Variants in PALM2AKAP2 observed in about 807,000 individuals in gnomAD.
The protein encoded by PALM2AKAP2 is PALM2-AKAP2 fusion protein.
Under a neutral mutation model 71.5 loss-of-function variants are expected in PALM2AKAP2, and 37 were observed. The ratio of observed to expected loss-of-function variants is 0.52; its 90% CI spans 0.40 to 0.68. The LOEUF is 0.68. Ranked by LOEUF, PALM2AKAP2 falls within the 30% of genes least tolerant of loss-of-function variation. The pLI, the probability that PALM2AKAP2 is intolerant of heterozygous loss-of-function variation, is 0.00. For missense variants in PALM2AKAP2, 1,224 were observed against 1,191.8 expected (o/e 1.03, Z -0.40); for synonymous variants, 468 against 478.8 (o/e 0.98, Z 0.29).
intron 1 of PALM2AKAP2, among the ~76,000 whole-genome samples, chr9:110,078,823 G>A (rs1834381190): frequency 6.6e-6 from 1 of 152,210 alleles, no homozygotes; most frequent in African/African-American, 2.4e-5. Context: ...GATACACATG[G>A]AGTGTTTGCT....
At position 109,663,345 on chromosome 9, in the gene PALM2AKAP2, C is replaced by T. The variant is rs1040495442; in HGVS notation, c.5+22479C>T. On this transcript the variant is annotated intron_variant, in intron 1 of 6. Transcript: ENST00000374531. The stretch of plus-strand genomic sequence containing the variant: ...ATTTAGTGCTATAAATTTCCCTCTA[C>T]ACACTGCTTTAAATGTGTCCCAGAG... Among the ~76,000 whole-genome samples the T allele has an allele frequency of 2.6e-5, 4 of 152,176 alleles. No homozygotes were observed. The South Asian group carries it at 8.3e-4, about 32-fold the overall frequency.
At chr9:109,764,379 A>C (rs1484824166) in intron 1 of PALM2AKAP2, among the ~76,000 whole-genome samples, 1 of 151,758 alleles carries the variant, frequency 6.6e-6, no homozygotes, top group Non-Finnish European at 1.5e-5. Context: ...GCGCTCTTTT[A>C]CACCTCCTGG....
chr9:110,012,217 T>C (rs1832897510), intron 6 of PALM2AKAP2, among the ~76,000 whole-genome samples: 1 of 151,966 alleles, frequency 6.6e-6, no homozygotes, highest in African/African-American at 2.4e-5. Context: ...TGCTTGTGCC[T>C]GAGAGGCGGA....
At chr9:110,038,168 C>T (rs571965729) in intron 7 of PALM2AKAP2, among the ~76,000 whole-genome samples, 2 of 152,120 alleles carry the variant, frequency 1.3e-5, no homozygotes, top group South Asian at 4.2e-4. Context: ...AGCAAGACCT[C>T]CCTCTCTACA....
intron 1 of PALM2AKAP2, among the ~76,000 whole-genome samples, chr9:109,793,362 G>A (rs1028436968): frequency 2.0e-5 from 3 of 152,206 alleles, no homozygotes; most frequent in Non-Finnish European, 2.9e-5. Flanking sequence ...CAAACTGGAT[G>A]AGTTTAAAAA....
chr9:109,803,005 GC>G (rs759410667), intron 1 of PALM2AKAP2, among the ~76,000 whole-genome samples: 24 of 152,158 alleles, frequency 1.6e-4, no homozygotes, highest in Non-Finnish European at 2.9e-4. Flanking sequence ...TTATTAAGAT[GC>G]TTGCTAGTTC....
intron 1 of PALM2AKAP2, among the ~76,000 whole-genome samples, chr9:109,689,522 C>A (rs1294783921): frequency 6.6e-6 from 1 of 152,134 alleles, no homozygotes; most frequent in African/African-American, 2.4e-5. Flanking sequence ...TTCTTTAAAG[C>A]CTTGTAGAGA....
At chr9:109,792,286 A>G (rs1464995015) in intron 1 of PALM2AKAP2, among the ~76,000 whole-genome samples, 1 of 152,228 alleles carries the variant, frequency 6.6e-6, no homozygotes, top group Non-Finnish European at 1.5e-5. Flanking sequence ...AGAGAAAAAT[A>G]GACTTATTAA....
Position 109,775,068 on chromosome 9 carries a change from C to G in PALM2AKAP2, c.6-5420C>G, listed in dbSNP as rs916370135. On this transcript the variant is annotated intron_variant, in intron 1 of 6. Coordinates refer to the PALM2AKAP2 transcript ENST00000374531. ...TTCCATCTTAATGTAAGGAAACTGTCATTCTAATCTATTATGTGATTTGTC... is the reference window on the plus strand; with the variant it reads ...TTCCATCTTAATGTAAGGAAACTGTGATTCTAATCTATTATGTGATTTGTC... Among the ~76,000 whole-genome samples the G allele has an allele frequency of 2.6e-5, 4 of 152,300 alleles. No individual in the cohort carries two copies. In the Middle Eastern group the frequency reaches 0.01, roughly 389 times the overall value.
At chr9:109,951,301 C>T (rs1831635730) in intron 6 of PALM2AKAP2, among the ~76,000 whole-genome samples, 1 of 152,204 alleles carries the variant, frequency 6.6e-6, no homozygotes. Flanking sequence ...GGGCTAGCTG[C>T]TGTACTTTGT....
At chr9:110,025,634 A>G (rs1833166272) in intron 7 of PALM2AKAP2, among the ~76,000 whole-genome samples, 1 of 152,158 alleles carries the variant, frequency 6.6e-6, no homozygotes, top group African/African-American at 2.4e-5. Context: ...CAAAGCATCT[A>G]CACCACTTTA....
intron 6 of PALM2AKAP2, among the ~76,000 whole-genome samples, chr9:109,995,654 C>T (rs1349453666): frequency 6.6e-6 from 1 of 152,190 alleles, no homozygotes; most frequent in Non-Finnish European, 1.5e-5. Flanking sequence ...GACTTATTCA[C>T]TGTCATGCAA....
chr9:109,717,644 G>A (rs534803726), intron 1 of PALM2AKAP2, among the ~76,000 whole-genome samples: 6 of 152,324 alleles, frequency 3.9e-5, no homozygotes, highest in South Asian at 2.1e-4. Context: ...GAAAAGGTGC[G>A]GATAGGCTTT....
At chr9:109,691,966 C>G (rs1827903850) in intron 1 of PALM2AKAP2, among the ~76,000 whole-genome samples, 1 of 132,040 alleles carries the variant, frequency 7.6e-6, no homozygotes, top group African/African-American at 2.8e-5. Flanking sequence ...ACATATATAT[C>G]TCCATCTCAG....
At chr9:109,919,763 G>A (rs7872337) in intron 3 of PALM2AKAP2, among the ~76,000 whole-genome samples, 28,824 of 135,676 alleles carry the variant, frequency 0.21, 3,002 homozygotes, top group East Asian at 0.46. Flanking sequence ...GTGTGTGTGT[G>A]TGTATATATG....
chr9:109,696,330 A>G (rs537611381), intron 1 of PALM2AKAP2, among the ~76,000 whole-genome samples: 1 of 152,334 alleles, frequency 6.6e-6, no homozygotes, highest in Admixed American at 6.5e-5. Flanking sequence ...AATAGCTTTA[A>G]AACATATTGA....
chr9:109,874,379 G>T (rs914755117), intron 2 of PALM2AKAP2, among the ~76,000 whole-genome samples: 40 of 152,182 alleles, frequency 2.6e-4, no homozygotes, highest in African/African-American at 9.7e-4. Context: ...ATAGTAGAGT[G>T]TACCTCTTGG....
intron 1 of PALM2AKAP2, among the ~76,000 whole-genome samples, chr9:109,642,985 C>T (rs1271410469): frequency 1.3e-5 from 2 of 151,026 alleles, no homozygotes; most frequent in Non-Finnish European, 2.9e-5. Context: ...AATTGCACCA[C>T]TGCACTGGGT....
intron 1 of PALM2AKAP2, among the ~76,000 whole-genome samples, chr9:109,750,222 T>C (rs1828864885): frequency 6.6e-6 from 1 of 152,174 alleles, no homozygotes; most frequent in African/African-American, 2.4e-5. Context: ...CTTAGTCCAG[T>C]GATTATTTTC....
Sources: allele counts gnomAD v4.1 joint callset (sites outside exome capture counted in the v4.1 genomes callset), GRCh38; gene constraint gnomAD v4.1.1; transcripts MANE v1.5; gene names NCBI Gene and HGNC (gene_info 2026-07-23, HGNC 2026-07-21).